Variants in POFUT3 observed in about 807,000 individuals in gnomAD.
POFUT3 encodes protein O-fucosyltransferase 3, also known as GDP-fucose protein O-fucosyltransferase 3.
the POFUT3 span, among the ~76,000 whole-genome samples, chr8:33,413,403 G>A: frequency 6.6e-6 from 1 of 151,870 alleles, no homozygotes; most frequent in African/African-American, 2.4e-5. Context: ...TGCTCACTCT[G>A]CCATGTAAGG....
At chr8:33,438,850 G>T in the POFUT3 span, among the ~76,000 whole-genome samples, 38 of 152,230 alleles carry the variant, frequency 2.5e-4, no homozygotes, top group African/African-American at 7.9e-4. Flanking sequence ...CAGATCTTGT[G>T]AGATTTATTC....
chr8:33,348,696 T>C, the POFUT3 span, among the ~76,000 whole-genome samples: 1 of 152,204 alleles, frequency 6.6e-6, no homozygotes, highest in East Asian at 1.9e-4. Flanking sequence ...ACAGGAATCA[T>C]TTATGTCCTG....
At chr8:33,403,271 C>CATGT in the POFUT3 span, among the ~76,000 whole-genome samples, 4 of 147,454 alleles carry the variant, frequency 2.7e-5, no homozygotes, top group Non-Finnish European at 6.0e-5. Flanking sequence ...ATGGTGTGTG[C>CATGT]GTGTGTGTGT....
chr8:33,366,804 G>T, the POFUT3 span, among the ~76,000 whole-genome samples: 1 of 152,160 alleles, frequency 6.6e-6, no homozygotes, highest in Non-Finnish European at 1.5e-5. Flanking sequence ...TAGTTTGTCA[G>T]ATTTTTTTAA....
At chr8:33,342,870 C>T in the POFUT3 span, among the ~76,000 whole-genome samples, 1 of 152,124 alleles carries the variant, frequency 6.6e-6, no homozygotes, top group Non-Finnish European at 1.5e-5. Context: ...CTTTGGGATG[C>T]CGAGGCGGGC....
chr8:33,374,522 C>A, the POFUT3 span, among the ~76,000 whole-genome samples: 1 of 152,068 alleles, frequency 6.6e-6, no homozygotes, highest in Non-Finnish European at 1.5e-5. Context: ...TTGATCCTAG[C>A]GCAGACAGAG....
At chr8:33,468,448 G>A in the POFUT3 span, among the ~76,000 whole-genome samples, 3 of 152,050 alleles carry the variant, frequency 2.0e-5, no homozygotes, top group African/African-American at 4.8e-5. Context: ...TAGAAGAAAT[G>A]TATCTAATTA....
At chr8:33,319,975 A>C in the POFUT3 span, among the ~76,000 whole-genome samples, 1 of 150,686 alleles carries the variant, frequency 6.6e-6, no homozygotes, top group Non-Finnish European at 1.5e-5. Context: ...GTTACTAAGG[A>C]TGTACTATGT....
At chr8:33,434,422 A>C in the POFUT3 span, among the ~76,000 whole-genome samples, 1 of 152,066 alleles carries the variant, frequency 6.6e-6, no homozygotes, top group Admixed American at 6.6e-5. Flanking sequence ...ATATTCCCAA[A>C]GTGTGGAACA....
chr8:33,391,566 T>C, the POFUT3 span, among the ~76,000 whole-genome samples: 1 of 152,128 alleles, frequency 6.6e-6, no homozygotes, highest in East Asian at 1.9e-4. Context: ...AATGACTGCA[T>C]TGAAGTACAA....
the POFUT3 span, among the ~76,000 whole-genome samples, chr8:33,418,596 C>A: frequency 6.6e-6 from 1 of 151,892 alleles, no homozygotes; most frequent in Admixed American, 6.6e-5. Flanking sequence ...AGTCACCAAG[C>A]CCAGCTGAAA....
the POFUT3 span, among the ~76,000 whole-genome samples, chr8:33,380,189 CTATATATATATACTATATATATATACTA>C: frequency 4.8e-4 from 19 of 39,900 alleles, 1 homozygote; most frequent in South Asian, 3.1e-3. Flanking sequence ...TATATATATA[CTATATATATATACTATATATATATACTA>C]TATATATATA....
At chr8:33,322,543 G>T in the POFUT3 span, among the ~76,000 whole-genome samples, 4 of 152,038 alleles carry the variant, frequency 2.6e-5, no homozygotes, top group Non-Finnish European at 4.4e-5. Flanking sequence ...GGGTTGTCAG[G>T]CTAATTGGGA....
chr8:33,366,479 T>C, the POFUT3 span, among the ~76,000 whole-genome samples: 2 of 152,152 alleles, frequency 1.3e-5, no homozygotes, highest in South Asian at 4.1e-4. Context: ...CTGTCTCCAG[T>C]ACTTAACACT....
the POFUT3 span, among the ~76,000 whole-genome samples, chr8:33,335,731 T>C: frequency 6.6e-6 from 1 of 152,182 alleles, no homozygotes; most frequent in Admixed American, 6.5e-5. Context: ...GTTACATGTA[T>C]TATATCCTGT....
At chr8:33,436,339 G>A in the POFUT3 span, 21 of 1,336,138 alleles carry the variant, frequency 1.6e-5, no homozygotes, top group Middle Eastern at 1.9e-4. Flanking sequence ...TCCTCTGCCC[G>A]CTCCATGTGT....
the POFUT3 span, among the ~76,000 whole-genome samples, chr8:33,348,582 A>G: frequency 1.3e-5 from 2 of 152,240 alleles, no homozygotes; most frequent in Non-Finnish European, 2.9e-5. Context: ...GTAATTACAC[A>G]GGAGAAATAC....
the POFUT3 span, chr8:33,460,785 G>A: frequency 7.1e-6 from 7 of 983,518 alleles, no homozygotes; most frequent in Middle Eastern, 5.2e-4. Context: ...TTTAAAAAAG[G>A]GGGGCAGGGG....
chr8:33,429,647 G>A, the POFUT3 span, among the ~76,000 whole-genome samples: 3 of 151,912 alleles, frequency 2.0e-5, no homozygotes, highest in Admixed American at 6.6e-5. Flanking sequence ...AGGTACAGGA[G>A]GTACGAGTGC....
Sources: gnomAD v4.1 joint callset for allele counts (sites outside exome capture counted in the v4.1 genomes callset) on GRCh38, gnomAD v4.1.1 for gene constraint, MANE v1.5 for transcripts, NCBI Gene and HGNC (gene_info 2026-07-23, HGNC 2026-07-21) for gene names.